Variants in PTPN7 observed in about 807,000 individuals in gnomAD.
The protein encoded by PTPN7 is tyrosine-protein phosphatase non-receptor type 7.
A neutral mutation model predicts 50.3 loss-of-function variants in PTPN7; 33 were observed. The ratio of observed to expected loss-of-function variants is 0.66; its 90% confidence interval spans 0.50 to 0.88. PTPN7 has a LOEUF of 0.88. PTPN7 is among the 40% of genes least tolerant of loss of function. The pLI, the probability that PTPN7 is intolerant of heterozygous loss-of-function variation, is 0.00. For missense variants in PTPN7, 412 were observed against 475.4 expected (o/e 0.87, Z 1.24); for synonymous variants, 185 against 186.6 (o/e 0.99, Z 0.07).
At position 202,160,477 on chromosome 1, in the gene PTPN7, C is replaced by T. The variant is rs1263636138; in HGVS notation, c.-53+68G>A. 3.4e-6 allele frequency: 5 copies of T among 1,455,226 alleles called. No homozygotes were observed. The highest frequency in any genetic ancestry group is 1.3e-5 in the South Asian group (1 of 75,980). 90.1% of individuals were successfully genotyped at this position (1,455,226 alleles called of 1,614,324 possible). ...TCCCGCACTCCCTCCTAGAGATGCC[C>T]TCTTATATCCCCGGAGTTCGCACCC... On this transcript the variant is annotated intron_variant, in intron 1 of 9. Transcript: ENST00000691036. This position sits in a 1 kb window ranked among gnomAD's most constrained non-coding sequence, Gnocchi z 4.8.
At chr1:202,151,713 C>T (rs1280609248) in intron 8 of PTPN7, among the ~76,000 whole-genome samples, 2 of 151,918 alleles carry the variant, frequency 1.3e-5, no homozygotes, top group Non-Finnish European at 2.9e-5. Flanking sequence ...GACAGGGTTT[C>T]TCCATGTTGG....
chr1:202,152,405 A>T, intron 8 of PTPN7, 137 bp downstream of exon 8: 4 of 1,051,422 alleles, frequency 3.8e-6, no homozygotes, highest in South Asian at 3.4e-5. Context: ...CCCTTGCTGA[A>T]TGGCCTTGCG....
chr1:202,161,101 C>T, upstream of PTPN7: 2 of 1,318,264 alleles, frequency 1.5e-6, no homozygotes, highest in Non-Finnish European at 9.7e-7. Context: ...GCACAGACCA[C>T]ATCTTCCCAG....
chr1:202,159,621 C>T lies in PTPN7; in HGVS notation c.-52-167G>A. ...AAGGACAGGATCTATTTGGTGGGAC[C>T]CAGGGCAGAAGGCAGTCTCGGGGTA... is the stretch of plus-strand genomic sequence containing the variant. On this transcript the variant is annotated intron_variant, in intron 1 of 9. Transcript: ENST00000691036. This position sits in a 1 kb window ranked among gnomAD's most constrained non-coding sequence, Gnocchi z 4.6. The T allele has an allele frequency of 6.8e-7, 1 of 1,469,404 alleles. No homozygotes were observed. The highest frequency in any genetic ancestry group is 1.5e-5 in the South Asian group (1 of 68,644). 91.0% of individuals were successfully genotyped at this position (1,469,404 alleles called of 1,614,324 possible).
chr1:202,150,916 T>C lies in PTPN7; in HGVS notation c.876-492A>G, dbSNP rs186405921. 1.1e-3 allele frequency among the ~76,000 whole-genome samples: 170 copies of C among 152,238 alleles called. 2 individuals are homozygous for C. Among genetic ancestry groups the C allele is most frequent in the African/African-American group, 3.7e-3 (153 of 41,546 alleles). On this transcript the variant is annotated intron_variant, in intron 8 of 9. Transcript: ENST00000691036. ...TGCTTTCTCTATCGTGCCCTCTCTT[T>C]ATTTCAAAACCCCCTAGGCCTCCCC... is the stretch of plus-strand genomic sequence containing the variant.
At chr1:202,152,207 G>A (rs141451397) in intron 8 of PTPN7, among the ~76,000 whole-genome samples, 27 of 152,306 alleles carry the variant, frequency 1.8e-4, no homozygotes, top group African/African-American at 3.6e-4. Flanking sequence ...CACCGTGCCC[G>A]GCCAATAATA....
chr1:202,159,697 T>C lies in PTPN7; in HGVS notation c.-52-243A>G. The C allele has an allele frequency of 3.0e-6, 4 of 1,354,736 alleles. No individual in the cohort carries two copies. Among genetic ancestry groups the C allele is most frequent in the Non-Finnish European group, 3.8e-6 (4 of 1,054,170 alleles). The allele number at this position is 1,354,736 out of a possible 1,614,324, so 83.9% of individuals were successfully genotyped here. ...GATTGTGGATGAAGATAGGAAAGAA[T>C]CCAGAAGGAGGAAAAGAGAGAGGGG... On this transcript the variant is annotated intron_variant, in intron 1 of 9. Coordinates refer to ENST00000691036, the MANE Select transcript of PTPN7 (RefSeq NM_002832.4). The surrounding 1 kb of genome is among the most constrained non-coding windows in gnomAD (Gnocchi z 4.6).
chr1:202,154,388 A>AG, intron 5 of PTPN7, 65 bp from the exon 6 acceptor site: 1 of 1,548,890 alleles, frequency 6.5e-7, no homozygotes, highest in African/African-American at 1.4e-5. Context: ...GGGAGATCCT[A>AG]GATGCCTCAG....
Position 202,159,347 on chromosome 1 carries a change from C to T in PTPN7, c.56G>A (p.Gly19Glu), listed in dbSNP as rs756870763. Residue 19 changes from glycine to glutamate, a missense_variant, in exon 2 of 10, where the codon GGG (glycine) becomes GAG (glutamate). Transcript: ENST00000691036. This position sits in a 1 kb window ranked among gnomAD's most constrained non-coding sequence, Gnocchi z 4.6. ...SRAQPLTLSL[G>E]AAMTQPPPEK... is the part of the protein sequence containing the mutation. ...AGGCGGAGGCTGGGTCATGGCTGCC[C>T]CCAAAGACAAGGTCAACGGCTGTGC... is the stretch of plus-strand genomic sequence containing the variant. The T allele has an allele frequency of 3.1e-6, 5 of 1,614,100 alleles. No individual in the cohort carries two copies. The African/African-American group carries it at 4.0e-5, about 13-fold the overall frequency.
chr1:202,150,049 TCTCGAACTCCTGGG>T, intron 9 of PTPN7: 1 of 331,690 alleles, frequency 3.0e-6, no homozygotes, highest in Non-Finnish European at 5.9e-6. Flanking sequence ...GCCAGGCTGG[TCTCGAACTCCTGGG>T]CTCAGGTGAT....
chr1:202,153,741 C>A lies in PTPN7; in HGVS notation c.701G>T (p.Arg234Leu). 1 of 1,613,880 alleles carries A rather than the reference C, an allele frequency of 6.2e-7. No individual in the cohort carries two copies. The highest frequency in any genetic ancestry group is 8.5e-7 in the Non-Finnish European group (1 of 1,179,850). The change falls in exon 7 of 10, where the codon CGG becomes CTG. Residue 234 changes from arginine (R) to leucine (L), a missense_variant. Transcript: ENST00000691036. ...GGGTGGTACCTGGATGGTGAGCTGC[C>A]GCACAGTGTATTCTGGGCACTCTTT... ...DMKECPEYTV[R>L]QLTIQYQEER...
At chr1:202,150,167 T>C (rs1558313292) in intron 9 of PTPN7, 144 bp downstream of exon 9, 1 of 663,842 alleles carries the variant, frequency 1.5e-6, no homozygotes. Flanking sequence ...TTGTTAGTTG[T>C]AAAATAAACA....
At chr1:202,161,209 G>T (rs944723675), upstream of PTPN7, 2 of 1,112,846 alleles carry the variant, frequency 1.8e-6, no homozygotes, top group African/African-American at 1.6e-5. Context: ...CAAAAAGGTC[G>T]TCTCCACGCC....
At position 202,160,554 on chromosome 1, in the gene PTPN7, T is replaced by C. The variant is rs1657266419; in HGVS notation, c.-62A>G. ...CCCTTCAGATACTTACTGAAGCAGCTGTGGCCCCCAGGCTGCCTCTTGCCA... is the reference window on the plus strand; with the variant it reads ...CCCTTCAGATACTTACTGAAGCAGCCGTGGCCCCCAGGCTGCCTCTTGCCA... On this transcript the variant is annotated 5_prime_UTR_variant, in exon 1 of 10. Transcript: ENST00000691036. The surrounding 1 kb of genome is among the most constrained non-coding windows in gnomAD (Gnocchi z 4.8). The C allele has an allele frequency of 1.3e-6, 2 of 1,548,790 alleles. No individual in the cohort carries two copies. The highest frequency in any genetic ancestry group is 1.7e-6 in the Non-Finnish European group (2 of 1,145,640).
rs183003102 is a variant in PTPN7, at chr1:202,152,800, G to C, written c.718-101C>G. ...AGGGCAAGGGCTGGAATTACCCTGT[G>C]GGGGGGTCATCTACTCAAAGCAAGC... On this transcript the variant is annotated intron_variant, in intron 7 of 9. Coordinates refer to ENST00000691036, the MANE Select transcript of PTPN7 (RefSeq NM_002832.4). 317 of 1,353,910 alleles carry C rather than the reference G, an allele frequency of 2.3e-4. 1 individual carries two copies. The highest frequency in any genetic ancestry group is 2.0e-3 in the East Asian group (85 of 42,718). 83.9% of individuals were successfully genotyped at this position (1,353,910 alleles called of 1,614,324 possible). A position where few individuals can be genotyped will look rare whatever the true frequency, so the allele number is the denominator to read the frequency against.
chr1:202,152,556 G>T lies in PTPN7; in HGVS notation c.861C>A (p.Ile287=). The change falls in exon 8 of 10, where the codon ATC becomes ATA. Residue 287 remains isoleucine, a synonymous_variant. Transcript: ENST00000691036. The part of the protein sequence containing the change: ...SPETAAHPGP[I]VVHCSAGIGR... ...GGGCCACGCACCTGCAGTGGACTACGATAGGCCCGGGGTGGGCGGCTGTCT... is the reference window on the plus strand; with the variant it reads ...GGGCCACGCACCTGCAGTGGACTACTATAGGCCCGGGGTGGGCGGCTGTCT... 3 of 1,612,952 alleles carry T rather than the reference G, an allele frequency of 1.9e-6. No homozygotes were observed. Among genetic ancestry groups the T allele is most frequent in the Non-Finnish European group, 1.7e-6 (2 of 1,179,970 alleles).
chr1:202,155,669 A>G lies in PTPN7; in HGVS notation c.392-60T>C, dbSNP rs377155409. 3,959 of 1,410,994 alleles carry G rather than the reference A, an allele frequency of 2.8e-3. 9 individuals are homozygous for G. Among genetic ancestry groups the G allele is most frequent in the Non-Finnish European group, 3.2e-3 (3,203 of 1,001,726 alleles). The allele number at this position is 1,410,994 out of a possible 1,614,324, so 87.4% of individuals were successfully genotyped here. A position where few individuals can be genotyped will look rare whatever the true frequency, so the allele number is the denominator to read the frequency against. On this transcript the variant is annotated intron_variant, in intron 4 of 9. Coordinates refer to ENST00000691036, the MANE Select transcript of PTPN7 (RefSeq NM_002832.4). ...GAAGGTGACCAACTAACACAGACTCAAGCAGGGTCAGAAAGAGGAGAGTTC... is the reference window on the plus strand; with the variant it reads ...GAAGGTGACCAACTAACACAGACTCGAGCAGGGTCAGAAAGAGGAGAGTTC...
intron 8 of PTPN7, among the ~76,000 whole-genome samples, chr1:202,151,745 G>A (rs1165906535): frequency 1.3e-5 from 2 of 152,012 alleles, no homozygotes; most frequent in East Asian, 1.9e-4. Context: ...TTGAACTCCC[G>A]ACCTCAGGTG....
rs1657227110 is a variant in PTPN7 at position 202,160,301 on chromosome 1, G to A, written c.-53+244C>T. ...AATGGGCCTGGCACAGGTGTGAGTGGTAGAGCGAGGGTCTCTGGTAGCAGA... is the reference window on the plus strand; with the variant it reads ...AATGGGCCTGGCACAGGTGTGAGTGATAGAGCGAGGGTCTCTGGTAGCAGA... On this transcript the variant is annotated intron_variant, in intron 1 of 9. Coordinates refer to ENST00000691036, the MANE Select transcript of PTPN7 (RefSeq NM_002832.4). The surrounding 1 kb of genome is among the most constrained non-coding windows in gnomAD (Gnocchi z 4.8). Among the ~76,000 whole-genome samples the A allele has an allele frequency of 6.6e-6, 1 of 152,028 alleles. No homozygotes were observed. Among genetic ancestry groups the A allele is most frequent in the Admixed American group, 6.6e-5 (1 of 15,266 alleles).
Sources: gnomAD v4.1 joint callset for allele counts (sites outside exome capture counted in the v4.1 genomes callset) on GRCh38, gnomAD v4.1.1 for gene constraint, Gnocchi (gnomAD v3.1) non-coding constraint, MANE v1.5 for transcripts, NCBI Gene and HGNC (gene_info 2026-07-23, HGNC 2026-07-21) for gene names.